The following ARID5B variants were observed in gnomAD, a reference collection of about 807,000 sequenced individuals.
ARID5B encodes AT-rich interaction domain 5B.
A neutral mutation model predicts 97.2 loss-of-function variants in ARID5B; 13 were observed. That is an observed-to-expected ratio of 0.13 (90% CI 0.09 to 0.21). The LOEUF (loss-of-function observed/expected upper bound fraction) is 0.21. Among genes scored for constraint, ARID5B ranks in the 10% least tolerant of loss-of-function variants. The pLI is 1.00. For synonymous variants in ARID5B, 556 were observed against 570.3 expected, an observed-to-expected ratio of 0.97 and a Z score of 0.36; for missense variants, 1,210 against 1,465.3, an observed-to-expected ratio of 0.83 and a Z score of 2.84.
At chr10:62,011,108 C>G (rs968805053) in intron 4 of ARID5B, among the ~76,000 whole-genome samples, 43 of 152,158 alleles carry the variant, frequency 2.8e-4, no homozygotes, top group African/African-American at 9.9e-4. Context: ...ACAGTTGAGG[C>G]CTTCTCTTGG....
intron 3 of ARID5B, among the ~76,000 whole-genome samples, chr10:61,967,022 G>A (rs978968923): frequency 2.0e-4 from 31 of 152,020 alleles, no homozygotes; most frequent in African/African-American, 7.2e-4. Flanking sequence ...AGAAAACCGG[G>A]CCTTTTTTTC....
chr10:61,991,293 C>T (rs1838922249), intron 3 of ARID5B, among the ~76,000 whole-genome samples: 1 of 152,144 alleles, frequency 6.6e-6, no homozygotes, highest in Non-Finnish European at 1.5e-5. Flanking sequence ...ATGGCTGCAC[C>T]ATTTTACATT....
chr10:62,009,683 G>T (rs1475128578), intron 4 of ARID5B, among the ~76,000 whole-genome samples: 1 of 152,176 alleles, frequency 6.6e-6, no homozygotes, highest in African/African-American at 2.4e-5. Context: ...GAGTTATTTT[G>T]AAGTTTAAAG....
At chr10:61,909,315 TGA>T (rs1843759360) in intron 2 of ARID5B, among the ~76,000 whole-genome samples, 1 of 141,008 alleles carries the variant, frequency 7.1e-6, no homozygotes, top group East Asian at 2.0e-4. Flanking sequence ...TGCTATTCAG[TGA>T]GTTTTTTTTT....
At chr10:61,930,164 T>C (rs1237011575) in intron 2 of ARID5B, among the ~76,000 whole-genome samples, 1 of 152,212 alleles carries the variant, frequency 6.6e-6, no homozygotes, top group Non-Finnish European at 1.5e-5. Context: ...TCTAAGTATA[T>C]GTTTCATACA....
At chr10:61,905,367 A>G (rs1031676743) in intron 2 of ARID5B, among the ~76,000 whole-genome samples, 8 of 151,562 alleles carry the variant, frequency 5.3e-5, no homozygotes, top group Admixed American at 2.0e-4. Context: ...TAAAGACGTC[A>G]GTTCTAAAAG....
At chr10:61,917,550 C>G (rs576019734) in intron 2 of ARID5B, among the ~76,000 whole-genome samples, 2 of 152,138 alleles carry the variant, frequency 1.3e-5, no homozygotes, top group Non-Finnish European at 2.9e-5. Context: ...GCTGGTCTCA[C>G]TGCACCTGGC....
chr10:62,022,169 G>A (rs1045482499), intron 4 of ARID5B, among the ~76,000 whole-genome samples: 17 of 152,196 alleles, frequency 1.1e-4, no homozygotes, highest in Non-Finnish European at 5.9e-5. Context: ...AAACTCTAAC[G>A]TCCTCCAAAC....
chr10:61,977,265 C>T (rs1838713472), intron 3 of ARID5B, among the ~76,000 whole-genome samples: 1 of 152,168 alleles, frequency 6.6e-6, no homozygotes, highest in Admixed American at 6.5e-5. Flanking sequence ...CATTGATGGA[C>T]ATTTGGGTTG....
chr10:62,067,010 A>G (rs1839998384), intron 7 of ARID5B, among the ~76,000 whole-genome samples: 1 of 152,002 alleles, frequency 6.6e-6, no homozygotes. Context: ...TTTTTGGTGA[A>G]TTAACGGATG....
At position 62,057,269 on chromosome 10, in the gene ARID5B, A is replaced by G. The variant is rs183936093; in HGVS notation, c.999A>G (p.Lys333=). 1.4e-5 allele frequency: 23 copies of G among 1,613,880 alleles called. No homozygotes were observed. In the East Asian group the frequency reaches 2.7e-4, roughly 19 times the overall value. Reference sequence around the variant, plus strand: ...TGGTGGCACTTTATAAATACATGAAAGAAAGGAAAACGCCGATAGAACGAA... The same window carrying G: ...TGGTGGCACTTTATAAATACATGAAGGAAAGGAAAACGCCGATAGAACGAA... ...AFLVALYKYM[K]ERKTPIERIP... Residue 333 remains lysine, a synonymous_variant, in exon 6 of 10, where the codon AAA becomes AAG. Transcript: ENST00000279873.
intron 8 of ARID5B, among the ~76,000 whole-genome samples, chr10:62,077,676 G>A (rs1840156373): frequency 6.6e-6 from 1 of 152,108 alleles, no homozygotes. Context: ...TTTATTGATA[G>A]TTTTCATCAA....
chr10:62,029,404 C>T (rs1251940579), intron 4 of ARID5B, among the ~76,000 whole-genome samples: 9 of 152,066 alleles, frequency 5.9e-5, no homozygotes, highest in Non-Finnish European at 1.0e-4. Context: ...CAGTATTTTT[C>T]CAAGTTAATT....
intron 2 of ARID5B, among the ~76,000 whole-genome samples, chr10:61,938,514 A>G (rs1414978578): frequency 6.6e-6 from 1 of 152,214 alleles, no homozygotes; most frequent in Non-Finnish European, 1.5e-5. Context: ...TTATTCTGAC[A>G]TTTAATAATC....
intron 4 of ARID5B, among the ~76,000 whole-genome samples, chr10:62,038,510 G>A (rs1421959525): frequency 6.6e-6 from 1 of 152,114 alleles, no homozygotes; most frequent in Admixed American, 6.5e-5. Context: ...TTTAAAATGT[G>A]AGCATGATTT....
intron 2 of ARID5B, among the ~76,000 whole-genome samples, chr10:61,938,542 A>C (rs1016443037): frequency 6.6e-6 from 1 of 152,182 alleles, no homozygotes; most frequent in African/African-American, 2.4e-5. Context: ...AATAGCTATA[A>C]AATGCATGAC....
At chr10:61,922,028 T>A (rs1046555827) in intron 2 of ARID5B, among the ~76,000 whole-genome samples, 4 of 152,172 alleles carry the variant, frequency 2.6e-5, no homozygotes, top group Non-Finnish European at 5.9e-5. Flanking sequence ...ACAGTCTCCT[T>A]GGATGGTTCC....
intron 2 of ARID5B, among the ~76,000 whole-genome samples, chr10:61,910,894 G>A (rs1436082043): frequency 1.3e-5 from 2 of 152,146 alleles, no homozygotes; most frequent in East Asian, 1.9e-4. Flanking sequence ...GCACAGTGGC[G>A]TGTGTCCTTG....
intron 6 of ARID5B, among the ~76,000 whole-genome samples, chr10:62,057,817 C>G (rs1839876553): frequency 6.6e-6 from 1 of 152,222 alleles, no homozygotes; most frequent in South Asian, 2.1e-4. Flanking sequence ...CAAATTGGAA[C>G]AGAGGGCCTA....
Sources: allele counts gnomAD v4.1 joint callset (sites outside exome capture counted in the v4.1 genomes callset), GRCh38; gene constraint gnomAD v4.1.1; transcripts MANE v1.5; gene names NCBI Gene and HGNC (gene_info 2026-07-23, HGNC 2026-07-21).